Variants in FOXP4 observed in about 807,000 individuals in gnomAD.
FOXP4 encodes the protein forkhead box protein P4.
FOXP4 carries 25 observed loss-of-function variants against 82.6 expected under a neutral mutation model. The ratio of observed to expected loss-of-function variants is 0.30; its 90% CI spans 0.22 to 0.42. The LOEUF (loss-of-function observed/expected upper bound fraction) is 0.42, where lower values mean the gene tolerates loss of function less well. FOXP4 is among the 10% of genes least tolerant of loss of function. FOXP4 has a pLI of 1.00. For missense variants in FOXP4, 785 were observed against 900.9 expected (o/e 0.87, Z 1.65); for synonymous variants, 415 against 388.2 (o/e 1.07, Z -0.81).
At chr6:41,566,649 G>C (rs190021219) in intron 2 of FOXP4, among the ~76,000 whole-genome samples, 1 of 152,304 alleles carries the variant, frequency 6.6e-6, no homozygotes, top group East Asian at 1.9e-4. Flanking sequence ...GACAGAGCAG[G>C]GGTCTCATGT....
chr6:41,579,924 T>C (rs1562031327), intron 3 of FOXP4, among the ~76,000 whole-genome samples: 1 of 152,176 alleles, frequency 6.6e-6, no homozygotes, highest in Non-Finnish European at 1.5e-5. Context: ...GAGGTGCTAT[T>C]CTAGCCCCAT....
chr6:41,556,661 T>C (rs1450866469), intron 1 of FOXP4, among the ~76,000 whole-genome samples: 1 of 152,132 alleles, frequency 6.6e-6, no homozygotes, highest in African/African-American at 2.4e-5. Context: ...ATTCACAAAT[T>C]GTGTGCCGAG....
At chr6:41,595,694 C>T (rs774390952) in intron 14 of FOXP4, among the ~76,000 whole-genome samples, 2 of 151,448 alleles carry the variant, frequency 1.3e-5, no homozygotes, top group Non-Finnish European at 2.9e-5. Flanking sequence ...CCTCCACTTC[C>T]CGGGTTCAAG....
chr6:41,557,807 C>T (rs1176674994), intron 1 of FOXP4, among the ~76,000 whole-genome samples: 1 of 151,628 alleles, frequency 6.6e-6, no homozygotes, highest in Non-Finnish European at 1.5e-5. Flanking sequence ...TCAAAATTTT[C>T]TACCAGGATG....
In FOXP4 at chr6:41,546,490, G is replaced by A. The variant is rs1174906095; in HGVS notation, c.-394G>A. 6.7e-6 allele frequency: 1 copy of A among 149,270 alleles called. No individual in the cohort carries two copies. Among genetic ancestry groups the A allele is most frequent in the Admixed American group, 6.7e-5 (1 of 14,922 alleles). The allele number at this position is 149,270 out of a possible 1,614,324, so 9.2% of individuals were successfully genotyped here. On this transcript the variant is annotated 5_prime_UTR_variant, in exon 1 of 17. Transcript: ENST00000307972. ...GGCCGGGACGGAGCCCCCAGCCCGC[G>A]AGGAGGGCGCGGCGCAGGCGGCGGC... is the stretch of plus-strand genomic sequence containing the variant.
intron 7 of FOXP4, 92 bp downstream of exon 7, chr6:41,587,604 TG>T: frequency 8.7e-7 from 1 of 1,153,602 alleles, no homozygotes; most frequent in South Asian, 1.5e-5. Context: ...AGGGAGGGGG[TG>T]GAGCCCACGG....
chr6:41,594,248 C>G (rs1561806363), intron 13 of FOXP4, among the ~76,000 whole-genome samples: 1 of 152,232 alleles, frequency 6.6e-6, no homozygotes, highest in Non-Finnish European at 1.5e-5. Flanking sequence ...AACCCACACT[C>G]TCCTCTCTCC....
chr6:41,598,324 C>G (rs1766996216), intron 16 of FOXP4, among the ~76,000 whole-genome samples: 3 of 150,156 alleles, frequency 2.0e-5, no homozygotes. Context: ...TCAAGTGATT[C>G]TCCTGCCTCA....
At chr6:41,566,020 A>C (rs1764861972) in intron 2 of FOXP4, 56 bp downstream of exon 2, 1 of 1,528,266 alleles carries the variant, frequency 6.5e-7, no homozygotes, top group Non-Finnish European at 8.9e-7. Context: ...ACTAGGCTGC[A>C]TTCCACTTCA....
In FOXP4 at chr6:41,598,907, G is replaced by A; in HGVS notation, c.2014G>A (p.Glu672Lys). ...GCCTCCGGAAGACAGGGACCTGGAG[G>A]AGGAGCTGCCGGGAGAAGAACTGTC... ...SGPPEDRDLE[E>K]ELPGEELS is the part of the protein sequence containing the mutation. Residue 672 changes from glutamate (E) to lysine (K), a missense_variant, in exon 17 of 17, where the codon GAG becomes AAG. Physicochemically the swap from Glu to Lys is moderately conservative, Grantham distance 56. This residue lies in a region of FOXP4 where 184 missense variants were observed against 187.3 expected (regional missense o/e 0.98). Transcript: ENST00000307972. 3 of 1,608,318 alleles carry A rather than the reference G, an allele frequency of 1.9e-6. No homozygotes were observed. The highest frequency in any genetic ancestry group is 1.7e-6 in the Non-Finnish European group (2 of 1,178,310).
Position 41,587,406 on chromosome 6 carries a change from G to A in FOXP4, c.766G>A (p.Ala256Thr). ...GGAGGGGCTGGACCTCACTGGCACG[G>A]CCGCCACCGCTACCTCGTTTGCCGC... ...KQEGLDLTGT[A>T]ATATSFAAPP... The change falls in exon 7 of 17, where the codon GCC (alanine) becomes ACC (threonine). Residue 256 changes from alanine (A) to threonine (T), a missense_variant. By Grantham distance (58) the Ala-to-Thr change is moderately conservative. Around this residue, in one of 3 missense-constraint regions of FOXP4, gnomAD observed 570 missense variants for 634.0 expected, o/e 0.90. Coordinates refer to ENST00000307972, the MANE Select transcript of FOXP4 (RefSeq NM_001012426.2). The A allele has an allele frequency of 6.3e-7, 1 of 1,588,968 alleles. No homozygotes were observed. Among genetic ancestry groups the A allele is most frequent in the East Asian group, 2.2e-5 (1 of 44,712 alleles).
chr6:41,602,340 G>A lies in FOXP4; in HGVS notation c.*3404G>A, dbSNP rs1159509394. On this transcript the variant is annotated 3_prime_UTR_variant, in exon 17 of 17. Coordinates refer to ENST00000307972, the MANE Select transcript of FOXP4 (RefSeq NM_001012426.2). ...GTAAACCTAGCTGCATGTAATCTGT[G>A]GACAATGGCATTCTCTACAATGCAA... 6.6e-6 allele frequency: 1 copy of A among 152,208 alleles called. No individual in the cohort carries two copies. The highest frequency in any genetic ancestry group is 2.4e-5 in the African/African-American group (1 of 41,422). The allele number at this position is 152,208 out of a possible 1,614,324, so 9.4% of individuals were successfully genotyped here.
At chr6:41,571,244 A>G (rs1470562185) in intron 2 of FOXP4, among the ~76,000 whole-genome samples, 1 of 152,240 alleles carries the variant, frequency 6.6e-6, no homozygotes, top group African/African-American at 2.4e-5. Context: ...GACACCCTGC[A>G]GAGCTGGTTT....
intron 1 of FOXP4, among the ~76,000 whole-genome samples, chr6:41,564,293 C>G (rs1367078199): frequency 1.3e-5 from 2 of 152,054 alleles, no homozygotes; most frequent in Admixed American, 6.6e-5. Flanking sequence ...GTGTTGCGTG[C>G]CTGTAGTACC....
rs185541324 is a variant in FOXP4 at position 41,575,661 on chromosome 6, A to G, written c.205-2325A>G. 6.4e-4 allele frequency among the ~76,000 whole-genome samples: 98 copies of G among 152,132 alleles called. 1 individual carries two copies. Among genetic ancestry groups the G allele is most frequent in the African/African-American group, 2.2e-3 (92 of 41,486 alleles). Reference sequence around the variant, plus strand: ...TAATTTCATGCTCCAGGGGACCACAAAGTAAGAGAGTCAGTGGGGAGTCAA... The same window carrying G: ...TAATTTCATGCTCCAGGGGACCACAGAGTAAGAGAGTCAGTGGGGAGTCAA... On this transcript the variant is annotated intron_variant, in intron 2 of 16. Coordinates refer to ENST00000307972, the MANE Select transcript of FOXP4 (RefSeq NM_001012426.2).
rs977756063 is a variant in FOXP4, at chr6:41,591,725, T to C, written c.1536+403T>C. The stretch of plus-strand genomic sequence containing the variant: ...GGCTTAAGGTACATGTTCTGAAGCC[T>C]GAGGTGGGGCTAGGAAAGCGCAGGT... On this transcript the variant is annotated intron_variant, in intron 13 of 16. Transcript: ENST00000307972. The surrounding 1 kb of genome is among the most constrained non-coding windows in gnomAD (Gnocchi z 4.2). 6.6e-6 allele frequency among the ~76,000 whole-genome samples: 1 copy of C among 152,070 alleles called. No individual in the cohort carries two copies. Among genetic ancestry groups the C allele is most frequent in the Admixed American group, 6.5e-5 (1 of 15,278 alleles).
chr6:41,597,091 A>G (rs1266687115), intron 14 of FOXP4, 85 bp from the exon 15 acceptor site: 1 of 1,415,178 alleles, frequency 7.1e-7, no homozygotes, highest in African/African-American at 1.4e-5. Context: ...TTCCCAGCAC[A>G]GGCCGTTACT....
chr6:41,598,581 C>G, intron 16 of FOXP4: 1 of 666,128 alleles, frequency 1.5e-6, no homozygotes. Flanking sequence ...CTCTTCTCTC[C>G]TCCCCAACCC....
intron 13 of FOXP4, 152 bp from the exon 14 acceptor site, chr6:41,594,718 G>A (rs1263440923): frequency 8.5e-7 from 1 of 1,179,730 alleles, no homozygotes; most frequent in South Asian, 1.5e-5. Context: ...CCCTTTGGCT[G>A]GGTCTCCTCC....
Sources: allele counts gnomAD v4.1 joint callset (sites outside exome capture counted in the v4.1 genomes callset), GRCh38; gene constraint gnomAD v4.1.1; regional missense constraint gnomAD v4.1.1; non-coding constraint Gnocchi (gnomAD v3.1); transcripts MANE v1.5; gene names NCBI Gene and HGNC (gene_info 2026-07-23, HGNC 2026-07-21).